The following HOMER2 variants were observed in gnomAD, a reference collection of about 807,000 sequenced individuals.
The protein encoded by HOMER2 is homer scaffold protein 2, also known as homer protein homolog 2.
In HOMER2, 27 loss-of-function variants were observed where a neutral mutation model predicts 47.0. The ratio of observed to expected loss-of-function variants is 0.57; its 90% CI spans 0.42 to 0.79. The LOEUF (loss-of-function observed/expected upper bound fraction) is 0.79, where lower values mean the gene tolerates loss of function less well. Among genes scored for constraint, HOMER2 ranks in the 30% least tolerant of loss-of-function variants. The probability of loss-of-function intolerance (pLI) is 0.00; values close to 1 mark genes in which losing one functional copy is unlikely to be tolerated. For synonymous variants in HOMER2, 161 were observed against 163.8 expected, an observed-to-expected ratio of 0.98 and a Z score of 0.13; for missense variants, 443 against 435.0, an observed-to-expected ratio of 1.02 and a Z score of -0.16.
intron 6 of HOMER2, among the ~76,000 whole-genome samples, chr15:82,853,026 T>C (rs940950125): frequency 6.6e-6 from 1 of 152,198 alleles, no homozygotes; most frequent in Non-Finnish European, 1.5e-5. Context: ...ACAAAAGCAC[T>C]GTAGTGAAGT....
chr15:82,859,130 G>A lies in HOMER2; in HGVS notation c.393C>T (p.Ser131=), dbSNP rs1393123949. 6.2e-7 allele frequency: 1 copy of A among 1,613,972 alleles called. No homozygotes were observed. The highest frequency in any genetic ancestry group is 8.5e-7 in the Non-Finnish European group (1 of 1,179,876). ...IETSSNHSQA[S]SVNGTDDEKA... ...TTTCATCGTCCGTCCCGTTGACACT[G>A]GATGCCTGAGTAGAAGATGGGGTTT... is the stretch of plus-strand genomic sequence containing the variant. Residue 131 remains serine (S), a synonymous_variant, in exon 5 of 9, where the codon TCC becomes TCT. Transcript: ENST00000450735.
chr15:82,873,115 T>C (rs1166198588), intron 3 of HOMER2, among the ~76,000 whole-genome samples: 1 of 152,120 alleles, frequency 6.6e-6, no homozygotes, highest in African/African-American at 2.4e-5. Context: ...CAAATGGCCT[T>C]GAAAACACAT....
chr15:82,929,765 T>A (rs1430991265), intron 1 of HOMER2, among the ~76,000 whole-genome samples: 3 of 151,740 alleles, frequency 2.0e-5, no homozygotes, highest in African/African-American at 7.3e-5. Context: ...AGTTTCGCTC[T>A]TGTTGCCCAG....
intron 1 of HOMER2, among the ~76,000 whole-genome samples, chr15:82,981,679 A>G (rs1221645463): frequency 6.6e-6 from 1 of 152,230 alleles, no homozygotes; most frequent in Non-Finnish European, 1.5e-5. Context: ...TTATTCATTA[A>G]AAGGGAAGGA....
At chr15:82,963,603 T>G (rs193169668) in intron 1 of HOMER2, among the ~76,000 whole-genome samples, 1 of 152,244 alleles carries the variant, frequency 6.6e-6, no homozygotes, top group African/African-American at 2.4e-5. Context: ...TCAATACTTC[T>G]GGGATGGGGT....
Position 82,849,700 on chromosome 15 carries a change from GGGCCTC to G in HOMER2, c.*9_*14del. 4.4e-6 allele frequency: 7 copies of G among 1,608,644 alleles called. No individual in the cohort carries two copies. The highest frequency in any genetic ancestry group is 5.9e-6 in the Non-Finnish European group (7 of 1,177,584). ...CGCTTGGGACTCACGGGCGGGGCCT[GGGCCTC>G]GGCCAGCCCTAGTTATCGGTGCCCA... On this transcript the variant is annotated 3_prime_UTR_variant, in exon 9 of 9. Transcript: ENST00000450735.
chr15:82,952,767 C>T, upstream of HOMER2: 1 of 915,618 alleles, frequency 1.1e-6, no homozygotes, highest in Middle Eastern at 5.6e-4. Flanking sequence ...GCCCGCCCCG[C>T]CCTCCCCAGC....
intron 1 of HOMER2, among the ~76,000 whole-genome samples, chr15:82,965,876 C>G (rs2054670265): frequency 6.6e-6 from 1 of 151,822 alleles, no homozygotes. Context: ...GGGAGGATCG[C>G]TTGAGCCCAG....
intron 1 of HOMER2, among the ~76,000 whole-genome samples, chr15:82,930,664 T>G (rs1273931752): frequency 1.3e-5 from 2 of 152,074 alleles, no homozygotes; most frequent in African/African-American, 4.8e-5. Flanking sequence ...GAGGGGCAAA[T>G]TAAGGCCAGC....
intron 4 of HOMER2, among the ~76,000 whole-genome samples, chr15:82,859,856 T>C (rs2151623889): frequency 6.6e-6 from 1 of 151,954 alleles, no homozygotes; most frequent in Non-Finnish European, 1.5e-5. Flanking sequence ...AAGTTTCAAT[T>C]TCTGAATTTC....
chr15:82,937,548 T>C (rs1289372802), intron 1 of HOMER2, among the ~76,000 whole-genome samples: 2 of 152,080 alleles, frequency 1.3e-5, no homozygotes, highest in East Asian at 1.9e-4. Context: ...TCCGCTCCCA[T>C]GGAGCAAGAA....
chr15:82,890,193 T>C (rs950341871), intron 2 of HOMER2, among the ~76,000 whole-genome samples: 6 of 152,152 alleles, frequency 3.9e-5, no homozygotes, highest in African/African-American at 1.4e-4. Context: ...AATATATAAA[T>C]TATCCAGGCA....
intron 4 of HOMER2, among the ~76,000 whole-genome samples, chr15:82,863,117 G>T (rs1283325556): frequency 6.6e-6 from 1 of 151,998 alleles, no homozygotes; most frequent in East Asian, 1.9e-4. Flanking sequence ...GTCAAGTCTA[G>T]AGCATCGATC....
At chr15:82,962,690 C>T (rs915739263) in intron 1 of HOMER2, among the ~76,000 whole-genome samples, 7 of 151,992 alleles carry the variant, frequency 4.6e-5, no homozygotes, top group Non-Finnish European at 8.8e-5. Flanking sequence ...AAAAAAAGTC[C>T]GGGAAGTGGG....
chr15:82,932,236 T>C (rs1394404711), intron 1 of HOMER2, among the ~76,000 whole-genome samples: 1 of 152,234 alleles, frequency 6.6e-6, no homozygotes, highest in Non-Finnish European at 1.5e-5. Flanking sequence ...GGCTCACGCC[T>C]GTAATCCCAG....
chr15:82,905,715 G>C (rs2053267200), intron 1 of HOMER2, among the ~76,000 whole-genome samples: 1 of 152,158 alleles, frequency 6.6e-6, no homozygotes, highest in Non-Finnish European at 1.5e-5. Context: ...TTTGTACTCT[G>C]AGAAATTATT....
At chr15:82,850,089 G>A (rs1423532153) in intron 8 of HOMER2, among the ~76,000 whole-genome samples, 186 bp from the exon 9 acceptor site, 2 of 152,214 alleles carry the variant, frequency 1.3e-5, no homozygotes, top group Non-Finnish European at 2.9e-5. Context: ...GAAGCAGCAG[G>A]CACTTCAGTG....
At chr15:82,858,032 C>T (rs906386999) in intron 5 of HOMER2, among the ~76,000 whole-genome samples, 1 of 152,138 alleles carries the variant, frequency 6.6e-6, no homozygotes, top group Non-Finnish European at 1.5e-5. Context: ...GGCTTTTTGC[C>T]ACTTCCCAAC....
At chr15:82,915,511 C>T (rs868758954) in intron 1 of HOMER2, among the ~76,000 whole-genome samples, 2 of 151,944 alleles carry the variant, frequency 1.3e-5, no homozygotes, top group South Asian at 4.2e-4. Context: ...GAGTTGAAGA[C>T]CAAGGGAGAC....
Sources: gnomAD v4.1 joint callset for allele counts (sites outside exome capture counted in the v4.1 genomes callset) on GRCh38, gnomAD v4.1.1 for gene constraint, MANE v1.5 for transcripts, NCBI Gene and HGNC (gene_info 2026-07-23, HGNC 2026-07-21) for gene names.